The following DGLUCY variants were observed in gnomAD, a reference collection of about 807,000 sequenced individuals.
DGLUCY encodes the protein D-glutamate cyclase, mitochondrial.
In DGLUCY, 58 loss-of-function variants were observed where a neutral mutation model predicts 58.5. The ratio of observed to expected loss-of-function variants is 0.99; its 90% CI spans 0.80 to 1.23. The LOEUF (loss-of-function observed/expected upper bound fraction) is 1.23, where lower values mean the gene tolerates loss of function less well. Among genes scored for constraint, DGLUCY ranks in the 50% most tolerant of loss-of-function variants. The pLI, the probability that DGLUCY is intolerant of heterozygous loss-of-function variation, is 0.00. For missense variants in DGLUCY, 779 were observed against 784.7 expected, an observed-to-expected ratio of 0.99 and a Z score of 0.09; for synonymous variants, 325 against 314.1, an observed-to-expected ratio of 1.03 and a Z score of -0.37.
chr14:91,119,870 G>A (rs369607864), intron 1 of DGLUCY, among the ~76,000 whole-genome samples: 6 of 152,200 alleles, frequency 3.9e-5, no homozygotes, highest in African/African-American at 9.6e-5. Context: ...TCTTTCTCCC[G>A]TGCTGGATGC....
At chr14:91,067,612 G>A (rs542384040) in intron 1 of DGLUCY, among the ~76,000 whole-genome samples, 2 of 151,002 alleles carry the variant, frequency 1.3e-5, no homozygotes, top group South Asian at 2.1e-4. Context: ...GTAATGGCAC[G>A]ATCTCGGCTC....
At chr14:91,148,046 C>G (rs1298742147) in intron 1 of DGLUCY, among the ~76,000 whole-genome samples, 1 of 151,990 alleles carries the variant, frequency 6.6e-6, no homozygotes, top group East Asian at 2.0e-4. Flanking sequence ...CAGTGGCACG[C>G]ACCTGTAATC....
At chr14:91,116,867 C>A (rs2044989724) in intron 1 of DGLUCY, among the ~76,000 whole-genome samples, 1 of 151,730 alleles carries the variant, frequency 6.6e-6, no homozygotes, top group African/African-American at 2.4e-5. Context: ...TTGCTTGAAC[C>A]CAGGAGGCAG....
chr14:91,192,425 G>A (rs1262410415), intron 9 of DGLUCY, among the ~76,000 whole-genome samples: 5 of 152,072 alleles, frequency 3.3e-5, no homozygotes, highest in Non-Finnish European at 7.4e-5. Context: ...TGGGGGTGAT[G>A]GTTGCACAAC....
At chr14:91,140,959 C>G (rs866687083) in intron 1 of DGLUCY, among the ~76,000 whole-genome samples, 21 of 152,170 alleles carry the variant, frequency 1.4e-4, no homozygotes, top group African/African-American at 4.8e-4. Context: ...ACCTTCAGGT[C>G]TGATTGCTGA....
At chr14:91,175,640 A>G (rs1174722838) in intron 6 of DGLUCY, 4 of 287,952 alleles carry the variant, frequency 1.4e-5, no homozygotes, top group East Asian at 7.8e-5. Flanking sequence ...TTTGGTAGCA[A>G]TCTGCACAAT....
chr14:91,224,729 G>C lies in DGLUCY; in HGVS notation c.1762G>C (p.Gly588Arg). ...GILVQHKVRS[G>R]VSGIVGMEVD... ...CTTGGTGCAGCACAAAGTCCGGAGTGGCGTCTCGGGCATCGTGGGCATGGA... is the reference window on the plus strand; with the variant it reads ...CTTGGTGCAGCACAAAGTCCGGAGTCGCGTCTCGGGCATCGTGGGCATGGA... The change falls in exon 14 of 14, where the codon GGC (glycine) becomes CGC (arginine). Residue 588 changes from glycine to arginine, a missense_variant. Gly to Arg is a moderately radical substitution (Grantham distance 125). Transcript: ENST00000256324. 1 of 1,613,238 alleles carries C rather than the reference G, an allele frequency of 6.2e-7. No homozygotes were observed. Among genetic ancestry groups the C allele is most frequent in the Non-Finnish European group, 8.5e-7 (1 of 1,179,378 alleles).
intron 1 of DGLUCY, among the ~76,000 whole-genome samples, chr14:91,133,341 C>T (rs2046142730): frequency 6.6e-6 from 1 of 152,102 alleles, no homozygotes; most frequent in Non-Finnish European, 1.5e-5. Context: ...TTTTTAAAGG[C>T]TGAATAATAT....
chr14:91,212,407 A>C (rs1885828711), intron 12 of DGLUCY, among the ~76,000 whole-genome samples: 1 of 152,206 alleles, frequency 6.6e-6, no homozygotes, highest in African/African-American at 2.4e-5. Context: ...CAGTTTTCAA[A>C]TGGAGATAAT....
rs996286567 is a variant in DGLUCY, at chr14:91,199,981, G to A, written c.1444+76G>A. ...CTTTTGTTGTTGTTGTTGTTATGGA[G>A]TCTTGCTCTGTCACCCAGGCTGGAG... On this transcript the variant is annotated intron_variant, in intron 11 of 13. Coordinates refer to ENST00000256324, the MANE Select transcript of DGLUCY (RefSeq NM_001102368.3). 4.5e-6 allele frequency: 7 copies of A among 1,566,332 alleles called. No homozygotes were observed. The African/African-American group carries it at 9.5e-5, about 21-fold the overall frequency.
At position 91,074,561 on chromosome 14, in the gene DGLUCY, G is replaced by C. The variant is rs555861036; in HGVS notation, c.-82+13857G>C. Among the ~76,000 whole-genome samples the C allele has an allele frequency of 4.6e-5, 7 of 152,040 alleles. No individual in the cohort carries two copies. The South Asian group carries it at 1.5e-3, about 32-fold the overall frequency. Reference sequence around the variant, plus strand: ...CTCTGACATCTACCTCCCAATTTCTGCCCCATATAATTTTATGGCTAAAAA... The same window carrying C: ...CTCTGACATCTACCTCCCAATTTCTCCCCCATATAATTTTATGGCTAAAAA... On this transcript the variant is annotated intron_variant, in intron 1 of 4. Coordinates refer to the DGLUCY transcript ENST00000521334.
intron 4 of DGLUCY, chr14:91,167,778 C>T (rs2048366119): frequency 3.1e-6 from 2 of 644,734 alleles, no homozygotes; most frequent in Non-Finnish European, 5.6e-6. Context: ...TAGAACCTAT[C>T]TAGTAAATGG....
At chr14:91,199,404 C>T (rs1162086054) in intron 10 of DGLUCY, among the ~76,000 whole-genome samples, 1 of 152,014 alleles carries the variant, frequency 6.6e-6, no homozygotes, top group Non-Finnish European at 1.5e-5. Context: ...GGACTACAAG[C>T]ACCCACCACC....
At chr14:91,146,043 TG>T (rs1423265313) in intron 1 of DGLUCY, among the ~76,000 whole-genome samples, 59 of 152,204 alleles carry the variant, frequency 3.9e-4, no homozygotes, top group African/African-American at 1.3e-3. Flanking sequence ...AGCTAATTTT[TG>T]TATATTTTTG....
At chr14:91,181,643 T>C (rs1328850395) in intron 8 of DGLUCY, among the ~76,000 whole-genome samples, 2 of 138,652 alleles carry the variant, frequency 1.4e-5, no homozygotes, top group African/African-American at 5.2e-5. Flanking sequence ...TTCTTTCTCT[T>C]TCTTTCTTTT....
chr14:91,151,980 C>CT (rs969778920), intron 1 of DGLUCY, among the ~76,000 whole-genome samples: 11 of 152,220 alleles, frequency 7.2e-5, no homozygotes, highest in African/African-American at 2.4e-4. Context: ...ATAAGAGACC[C>CT]TACCCGCCAT....
At chr14:91,156,230 C>T (rs969615736) in intron 1 of DGLUCY, among the ~76,000 whole-genome samples, 2 of 151,980 alleles carry the variant, frequency 1.3e-5, no homozygotes, top group Non-Finnish European at 2.9e-5. Flanking sequence ...TCTCCTGCCT[C>T]AGCCTCCCGG....
intron 1 of DGLUCY, among the ~76,000 whole-genome samples, chr14:91,141,151 T>G (rs2046645773): frequency 1.3e-5 from 2 of 152,090 alleles, no homozygotes; most frequent in Non-Finnish European, 2.9e-5. Flanking sequence ...TTTGGGAGGC[T>G]GAGGCACGTG....
intron 7 of DGLUCY, 116 bp downstream of exon 7, chr14:91,176,172 A>G (rs1025504382): frequency 3.9e-6 from 5 of 1,297,170 alleles, no homozygotes; most frequent in Non-Finnish European, 5.1e-6. Flanking sequence ...CATGAAACAA[A>G]ACACAAAACA....
Sources: gnomAD v4.1 joint callset for allele counts (sites outside exome capture counted in the v4.1 genomes callset) on GRCh38, gnomAD v4.1.1 for gene constraint, MANE v1.5 for transcripts, NCBI Gene and HGNC (gene_info 2026-07-23, HGNC 2026-07-21) for gene names.